TLK1: variants seen among roughly 807,000 people sequenced by gnomAD.
TLK1 encodes serine/threonine-protein kinase tousled-like 1.
In TLK1, 24 loss-of-function variants were observed where a neutral mutation model predicts 105.3. That is an observed-to-expected ratio of 0.23 (90% CI 0.17 to 0.32). The LOEUF (loss-of-function observed/expected upper bound fraction) is 0.32. Among genes scored for constraint, TLK1 ranks in the 10% least tolerant of loss-of-function variants. The pLI, the probability that TLK1 is intolerant of heterozygous loss-of-function variation, is 1.00. For missense variants in TLK1, 558 were observed against 910.5 expected (o/e 0.61, Z 4.98); for synonymous variants, 321 against 310.4 (o/e 1.03, Z -0.36).
intron 18 of TLK1, among the ~76,000 whole-genome samples, chr2:171,002,894 A>T (rs1684451419): frequency 6.6e-6 from 1 of 151,378 alleles, no homozygotes; most frequent in Non-Finnish European, 1.5e-5. Flanking sequence ...TGCCTGCCTC[A>T]GCCTCCCAAA....
At chr2:171,101,823 A>G (rs905602423) in intron 2 of TLK1, among the ~76,000 whole-genome samples, 10 of 152,208 alleles carry the variant, frequency 6.6e-5, no homozygotes, top group Admixed American at 6.5e-4. Context: ...CCCATGAGAC[A>G]TTGTTTTAAA....
At chr2:171,031,428 G>A (rs557461601) in intron 11 of TLK1, among the ~76,000 whole-genome samples, 2 of 152,160 alleles carry the variant, frequency 1.3e-5, no homozygotes, top group Non-Finnish European at 2.9e-5. Context: ...TTTTATGTGT[G>A]TAAGATGCTT....
intron 2 of TLK1, among the ~76,000 whole-genome samples, chr2:171,094,607 C>T (rs570114661): frequency 6.6e-6 from 1 of 152,154 alleles, no homozygotes; most frequent in Admixed American, 6.5e-5. Flanking sequence ...TACCCTCAAA[C>T]TAAATTTTCT....
upstream of TLK1, among the ~76,000 whole-genome samples, chr2:171,165,816 C>T (rs1383511670): frequency 2.0e-5 from 3 of 151,926 alleles, no homozygotes; most frequent in African/African-American, 4.9e-5. Context: ...GAGGCTGAGG[C>T]AGGAGAATTG....
chr2:171,093,998 T>G (rs1689349357), intron 2 of TLK1, among the ~76,000 whole-genome samples: 1 of 152,194 alleles, frequency 6.6e-6, no homozygotes, highest in Non-Finnish European at 1.5e-5. Flanking sequence ...GAATGGATGC[T>G]GTGGCAAGAA....
chr2:171,132,581 G>A (rs1691148210), intron 1 of TLK1, among the ~76,000 whole-genome samples: 1 of 152,186 alleles, frequency 6.6e-6, no homozygotes, highest in South Asian at 2.1e-4. Context: ...TTTACAAATA[G>A]CTGTTTTCTA....
intron 1 of TLK1, among the ~76,000 whole-genome samples, chr2:171,173,245 G>T (rs1220827687): frequency 6.6e-6 from 1 of 152,172 alleles, no homozygotes; most frequent in African/African-American, 2.4e-5. Context: ...ATACCAGTTA[G>T]AATAACATAA....
intron 1 of TLK1, among the ~76,000 whole-genome samples, chr2:171,214,875 C>G (rs1323715745): frequency 1.3e-5 from 2 of 152,134 alleles, no homozygotes; most frequent in Non-Finnish European, 2.9e-5. Context: ...TTAAGTGAGT[C>G]AAGACAATGG....
chr2:171,065,966 G>C (rs970908521), intron 3 of TLK1, among the ~76,000 whole-genome samples: 2 of 152,130 alleles, frequency 1.3e-5, no homozygotes, highest in African/African-American at 4.8e-5. Flanking sequence ...CACATTTCTA[G>C]GCAAAACTTG....
chr2:171,053,192 A>G (rs949052636), intron 8 of TLK1, among the ~76,000 whole-genome samples: 1 of 152,220 alleles, frequency 6.6e-6, no homozygotes, highest in Non-Finnish European at 1.5e-5. Context: ...TTAACATGAA[A>G]TGGCTATTTG....
chr2:171,066,425 A>T (rs1687994263), intron 3 of TLK1, among the ~76,000 whole-genome samples: 1 of 152,206 alleles, frequency 6.6e-6, no homozygotes, highest in African/African-American at 2.4e-5. Flanking sequence ...CACCCAACTA[A>T]AATATGTGCT....
intron 1 of TLK1, among the ~76,000 whole-genome samples, chr2:171,119,629 T>C (rs1690570227): frequency 6.6e-6 from 1 of 152,208 alleles, no homozygotes; most frequent in Non-Finnish European, 1.5e-5. Flanking sequence ...GACAGACATA[T>C]ATATAGAGCA....
At chr2:171,226,046 C>T (rs1396531457) in intron 1 of TLK1, among the ~76,000 whole-genome samples, 1 of 152,162 alleles carries the variant, frequency 6.6e-6, no homozygotes, top group East Asian at 1.9e-4. Flanking sequence ...TAATATTCTC[C>T]TGTGAGTATT....
chr2:171,131,338 C>T (rs569462690), intron 1 of TLK1, among the ~76,000 whole-genome samples: 2 of 152,142 alleles, frequency 1.3e-5, no homozygotes, highest in African/African-American at 4.8e-5. Flanking sequence ...CCCCTAGTGT[C>T]CTCACAAATT....
chr2:171,008,942 C>T (rs185269278), intron 14 of TLK1, among the ~76,000 whole-genome samples: 369 of 152,312 alleles, frequency 2.4e-3, no homozygotes, highest in Non-Finnish European at 3.7e-3. Context: ...TTTTAGGCCA[C>T]GCTAATGCTA....
rs13035387 is a variant in TLK1, at chr2:171,072,547, C to G, written c.330+10234G>C. Among the ~76,000 whole-genome samples the G allele has an allele frequency of 3.9e-4, 59 of 151,748 alleles. No individual in the cohort carries two copies. In the East Asian group the frequency reaches 0.01, roughly 27 times the overall value. On this transcript the variant is annotated intron_variant, in intron 3 of 20. Transcript: ENST00000431350. ...CCAAGGTTGGTGGATCACCTGAGGT[C>G]AAGAGTTTGAGGCCAGCCTGGCCAA...
chr2:171,080,146 G>A (rs963996961), intron 3 of TLK1, among the ~76,000 whole-genome samples: 8 of 147,608 alleles, frequency 5.4e-5, no homozygotes, highest in Non-Finnish European at 8.9e-5. Context: ...GCAGTGAGAC[G>A]AGATCGCACC....
intron 12 of TLK1, among the ~76,000 whole-genome samples, chr2:171,018,512 T>C (rs560399214): frequency 2.0e-5 from 3 of 152,350 alleles, no homozygotes; most frequent in Admixed American, 2.0e-4. Context: ...TCCAGTAGGC[T>C]ACATTCTCCT....
chr2:171,189,446 T>A (rs1253127392), intron 1 of TLK1, among the ~76,000 whole-genome samples: 3 of 152,204 alleles, frequency 2.0e-5, no homozygotes, highest in Non-Finnish European at 4.4e-5. Flanking sequence ...ATTATGATAG[T>A]ACAATTTTAA....
Sources: allele counts gnomAD v4.1 joint callset (sites outside exome capture counted in the v4.1 genomes callset), GRCh38; gene constraint gnomAD v4.1.1; transcripts MANE v1.5; gene names NCBI Gene and HGNC (gene_info 2026-07-23, HGNC 2026-07-21).